ABHD18: variants seen among roughly 807,000 people sequenced by gnomAD.
The protein encoded by ABHD18 is abhydrolase domain containing 18, also known as cardiolipin-specific deacylase, mitochondrial.
ABHD18 carries 55 observed loss-of-function variants against 65.9 expected under a neutral mutation model. The observed-to-expected ratio is 0.84, with a 90% CI of 0.67 to 1.05. The LOEUF is 1.05. Ranked by LOEUF, ABHD18 falls within the 50% of genes least tolerant of loss-of-function variation. The pLI is 0.00. For synonymous variants in ABHD18, 181 were observed against 180.2 expected (o/e 1.00, Z -0.04); for missense variants, 533 against 558.5 (o/e 0.95, Z 0.46).
At chr4:128,013,064 C>CAAAAA (rs1199459823) in intron 7 of ABHD18, among the ~76,000 whole-genome samples, 33 of 60,292 alleles carry the variant, frequency 5.5e-4, no homozygotes, top group Admixed American at 6.0e-4. Flanking sequence ...GACTCCATCC[C>CAAAAA]AAAAAAAAAA....
intron 4 of ABHD18, among the ~76,000 whole-genome samples, chr4:127,993,934 A>G (rs1159816803): frequency 6.6e-6 from 1 of 152,204 alleles, no homozygotes; most frequent in Non-Finnish European, 1.5e-5. Context: ...TTTTGATCAT[A>G]TTGCCAAATA....
chr4:127,989,437 C>A (rs1750547820), intron 3 of ABHD18, among the ~76,000 whole-genome samples: 1 of 151,820 alleles, frequency 6.6e-6, no homozygotes, highest in Admixed American at 6.6e-5. Flanking sequence ...ATGTTCCTAA[C>A]ACAAGGAAAT....
At chr4:128,005,613 C>G (rs1274324632) in intron 4 of ABHD18, among the ~76,000 whole-genome samples, 1 of 152,078 alleles carries the variant, frequency 6.6e-6, no homozygotes, top group Non-Finnish European at 1.5e-5. Context: ...CAGGAATGTT[C>G]CAGCACATCC....
chr4:127,974,819 AC>A (rs1210826932), intron 1 of ABHD18, among the ~76,000 whole-genome samples: 2 of 151,304 alleles, frequency 1.3e-5, no homozygotes, highest in Non-Finnish European at 2.9e-5. Flanking sequence ...ACACGGTGAA[AC>A]CCCGTCTCTA....
chr4:128,013,039 T>G (rs1309872194), intron 7 of ABHD18, among the ~76,000 whole-genome samples: 2 of 119,656 alleles, frequency 1.7e-5, no homozygotes, highest in Non-Finnish European at 3.2e-5. Flanking sequence ...GCATCCAGCC[T>G]AGACGACAGA....
At chr4:128,005,559 C>A (rs923679024) in intron 4 of ABHD18, among the ~76,000 whole-genome samples, 3 of 152,170 alleles carry the variant, frequency 2.0e-5, no homozygotes, top group Non-Finnish European at 4.4e-5. Context: ...AATTTCTGGG[C>A]TCCAGTGATC....
At chr4:127,978,673 C>G (rs1176755197) in intron 1 of ABHD18, among the ~76,000 whole-genome samples, 1 of 152,076 alleles carries the variant, frequency 6.6e-6, no homozygotes, top group Non-Finnish European at 1.5e-5. Context: ...ATCATTACTT[C>G]CATTTTACAG....
At chr4:128,026,719 T>A (rs1757420232) in intron 10 of ABHD18, among the ~76,000 whole-genome samples, 1 of 152,170 alleles carries the variant, frequency 6.6e-6, no homozygotes, top group Admixed American at 6.5e-5. Context: ...TGCATAACAA[T>A]GCTTCAGTCA....
chr4:128,011,811 G>T (rs536663943), intron 7 of ABHD18, 111 bp downstream of exon 7: 4 of 221,210 alleles, frequency 1.8e-5, no homozygotes, highest in Non-Finnish European at 3.4e-5. Flanking sequence ...TAAATATTAT[G>T]GGGGGGGGGA....
chr4:127,979,217 T>C (rs1462129746), intron 1 of ABHD18, among the ~76,000 whole-genome samples: 2 of 152,170 alleles, frequency 1.3e-5, no homozygotes, highest in African/African-American at 2.4e-5. Flanking sequence ...AGAGGAGGAA[T>C]AGCACTGAAA....
chr4:127,978,433 C>T (rs185126223), intron 1 of ABHD18, among the ~76,000 whole-genome samples: 1 of 152,124 alleles, frequency 6.6e-6, no homozygotes, highest in Non-Finnish European at 1.5e-5. Flanking sequence ...AGGAGTTCTG[C>T]TGGATGTGAT....
chr4:127,989,670 C>A, intron 3 of ABHD18, 51 bp from the exon 4 acceptor site: 1 of 1,263,600 alleles, frequency 7.9e-7, no homozygotes, highest in Non-Finnish European at 1.1e-6. Context: ...CCATGACAGA[C>A]CAAGATATCT....
chr4:128,010,354 A>C (rs967549825), intron 6 of ABHD18, among the ~76,000 whole-genome samples: 2 of 151,600 alleles, frequency 1.3e-5, no homozygotes, highest in African/African-American at 4.9e-5. Context: ...ACATGGTGAA[A>C]CCCTGTCTCT....
At chr4:128,033,757 C>G (rs1015520199) in intron 12 of ABHD18, among the ~76,000 whole-genome samples, 3 of 151,242 alleles carry the variant, frequency 2.0e-5, no homozygotes, top group Non-Finnish European at 4.4e-5. Flanking sequence ...AGGATGGTCT[C>G]GATCTCCTGA....
intron 1 of ABHD18, among the ~76,000 whole-genome samples, chr4:127,977,928 A>G (rs529493153): frequency 6.6e-6 from 1 of 152,232 alleles, no homozygotes; most frequent in South Asian, 2.1e-4. Context: ...CTGAGAAAAT[A>G]AATAAAACTG....
At chr4:128,016,960 C>T (rs1414484319) in intron 7 of ABHD18, among the ~76,000 whole-genome samples, 3 of 151,894 alleles carry the variant, frequency 2.0e-5, no homozygotes, top group African/African-American at 7.3e-5. Flanking sequence ...TTCTGTTGCC[C>T]AGGCTGGAGT....
intron 11 of ABHD18, among the ~76,000 whole-genome samples, chr4:128,029,545 C>T (rs560616962): frequency 3.9e-5 from 6 of 152,106 alleles, no homozygotes; most frequent in Admixed American, 1.3e-4. Flanking sequence ...GCTGGGTGGC[C>T]GGGCCCAGTG....
chr4:128,034,348 A>G (rs556235351), intron 12 of ABHD18, among the ~76,000 whole-genome samples: 16 of 152,254 alleles, frequency 1.1e-4, no homozygotes, highest in African/African-American at 3.8e-4. Flanking sequence ...TCCCCTTCCT[A>G]TGTTTTGGAT....
At position 128,017,063 on chromosome 4, in the gene ABHD18, A is replaced by G. The variant is rs1343071239; in HGVS notation, c.471-300A>G. On this transcript the variant is annotated intron_variant, in intron 7 of 12. Coordinates refer to ENST00000645843, the MANE Select transcript of ABHD18 (RefSeq NM_001358451.3). ...TTTCCACGTAGCTGAGATCACAGGC[A>G]TGCGCCACCATGCCCTGCTAATTTT... 2.6e-5 allele frequency among the ~76,000 whole-genome samples: 4 copies of G among 152,062 alleles called. 1 individual carries two copies.
Sources: gnomAD v4.1 joint callset for allele counts (sites outside exome capture counted in the v4.1 genomes callset) on GRCh38, gnomAD v4.1.1 for gene constraint, MANE v1.5 for transcripts, NCBI Gene and HGNC (gene_info 2026-07-23, HGNC 2026-07-21) for gene names.